The following MYOF variants were observed in gnomAD, a reference collection of about 807,000 sequenced individuals.
The protein encoded by MYOF is fer-1-like 3, myoferlin.
In MYOF, 244 loss-of-function variants were observed where a neutral mutation model predicts 284.2. The observed-to-expected ratio is 0.86, with a 90% CI of 0.77 to 0.95. The LOEUF (loss-of-function observed/expected upper bound fraction) is 0.95. MYOF is among the 40% of genes least tolerant of loss of function. The pLI is 0.00. For missense variants in MYOF, 2,496 were observed against 2,560.6 expected (o/e 0.97, Z 0.54); for synonymous variants, 904 against 919.7 (o/e 0.98, Z 0.31).
intron 44 of MYOF, 109 bp from the exon 45 acceptor site, chr10:93,329,020 G>T: frequency 9.4e-7 from 1 of 1,063,418 alleles, no homozygotes. Context: ...AGTGGGTGCA[G>T]AAAATCTGCG....
chr10:93,455,856 C>G (rs1167597963), intron 2 of MYOF, among the ~76,000 whole-genome samples: 1 of 152,116 alleles, frequency 6.6e-6, no homozygotes, highest in African/African-American at 2.4e-5. Context: ...CACAATGGAG[C>G]TGGCCATCAA....
chr10:93,332,259 G>A (rs189117993), intron 43 of MYOF, among the ~76,000 whole-genome samples: 59 of 148,990 alleles, frequency 4.0e-4, no homozygotes, highest in African/African-American at 1.4e-3. Context: ...GTCTTGCTCT[G>A]TCGCCCAGGC....
chr10:93,312,351 T>A (rs79450468), intron 51 of MYOF, among the ~76,000 whole-genome samples: 1 of 8,810 alleles, frequency 1.1e-4, no homozygotes, highest in Non-Finnish European at 3.2e-4. Context: ...TTTTTTTCTT[T>A]TTTATTTTTT....
At chr10:93,406,564 C>CT (rs71908567) in intron 7 of MYOF, among the ~76,000 whole-genome samples, 1 of 8,682 alleles carries the variant, frequency 1.2e-4, no homozygotes, top group African/African-American at 1.9e-4. Flanking sequence ...CTTGCCTCCT[C>CT]CCCACCCATC....
intron 49 of MYOF, 118 bp downstream of exon 49, chr10:93,319,754 T>G: frequency 1.4e-6 from 2 of 1,388,492 alleles, no homozygotes; most frequent in South Asian, 2.7e-5. Flanking sequence ...CCATCTCTGC[T>G]GAGAAGGAGC....
intron 3 of MYOF, among the ~76,000 whole-genome samples, chr10:93,448,522 G>C (rs1258800001): frequency 6.6e-6 from 1 of 152,158 alleles, no homozygotes; most frequent in East Asian, 1.9e-4. Context: ...AGGAAAGCAA[G>C]GACTTTAAAC....
intron 49 of MYOF, among the ~76,000 whole-genome samples, chr10:93,319,173 C>T (rs912321752): frequency 1.1e-4 from 16 of 152,284 alleles, no homozygotes; most frequent in East Asian, 3.9e-4. Flanking sequence ...ATGAGGGCTT[C>T]GCTCTTCTCT....
chr10:93,397,318 T>G, intron 14 of MYOF, 28 bp from the exon 15 acceptor site: 2 of 1,596,444 alleles, frequency 1.3e-6, no homozygotes, highest in Non-Finnish European at 1.7e-6. Flanking sequence ...AAAAAAGTAG[T>G]TATTTCTCAA....
chr10:93,390,987 T>C (rs1846648730), intron 17 of MYOF, among the ~76,000 whole-genome samples: 1 of 152,184 alleles, frequency 6.6e-6, no homozygotes, highest in South Asian at 2.1e-4. Context: ...ATCTTGAGTT[T>C]CAAAGCTCAG....
chr10:93,399,358 A>C (rs78464761), intron 13 of MYOF, 34 bp downstream of exon 13: 93,222 of 1,467,728 alleles, frequency 0.064, 3,580 homozygotes, highest in African/African-American at 0.16. Flanking sequence ...GATATTTATT[A>C]CTAGCAGCAT....
chr10:93,335,484 G>A (rs1258811239), intron 41 of MYOF, among the ~76,000 whole-genome samples: 2 of 152,238 alleles, frequency 1.3e-5, no homozygotes, highest in Non-Finnish European at 2.9e-5. Flanking sequence ...ACTGTCAAGT[G>A]AGAAGTTGTC....
chr10:93,383,628 A>G (rs1846226295), intron 19 of MYOF, among the ~76,000 whole-genome samples: 2 of 152,228 alleles, frequency 1.3e-5, no homozygotes, highest in South Asian at 4.1e-4. Flanking sequence ...AATTGTGTCA[A>G]AATGAAAAAG....
intron 45 of MYOF, among the ~76,000 whole-genome samples, chr10:93,326,982 A>C (rs1194629375): frequency 6.6e-6 from 1 of 152,060 alleles, no homozygotes; most frequent in Non-Finnish European, 1.5e-5. Context: ...TCTCCCATGA[A>C]GAGGTGGGGT....
chr10:93,369,423 A>G (rs770876979), intron 25 of MYOF, among the ~76,000 whole-genome samples: 1 of 152,124 alleles, frequency 6.6e-6, no homozygotes, highest in Admixed American at 6.5e-5. Flanking sequence ...TGGAATTATC[A>G]CACAAAAGTG....
At chr10:93,403,528 T>C (rs940103886) in intron 9 of MYOF, among the ~76,000 whole-genome samples, 9 of 152,202 alleles carry the variant, frequency 5.9e-5, no homozygotes, top group African/African-American at 2.2e-4. Context: ...GGTGCTCCTT[T>C]CTTGGAGAGG....
intron 17 of MYOF, among the ~76,000 whole-genome samples, chr10:93,391,633 T>C (rs368741257): frequency 6.6e-6 from 1 of 151,844 alleles, no homozygotes; most frequent in Non-Finnish European, 1.5e-5. Flanking sequence ...AGAAAACCCA[T>C]TCTCTCATAA....
intron 36 of MYOF, among the ~76,000 whole-genome samples, chr10:93,348,630 C>G (rs1844353535): frequency 6.6e-6 from 1 of 151,784 alleles, no homozygotes; most frequent in South Asian, 2.1e-4. Flanking sequence ...CACTTTGGGA[C>G]CCTGGCTGGC....
chr10:93,368,214 A>C (rs759139333), intron 25 of MYOF, among the ~76,000 whole-genome samples: 8 of 152,102 alleles, frequency 5.3e-5, no homozygotes, highest in Non-Finnish European at 1.0e-4. Flanking sequence ...AACATCCTCC[A>C]TTCAGGGCCT....
At chr10:93,383,860 G>A (rs571431949) in intron 19 of MYOF, among the ~76,000 whole-genome samples, 1 of 152,236 alleles carries the variant, frequency 6.6e-6, no homozygotes, top group Admixed American at 6.5e-5. Flanking sequence ...AGGTGGGGTG[G>A]GAACTACGGG....
Sources: gnomAD v4.1 joint callset for allele counts (sites outside exome capture counted in the v4.1 genomes callset) on GRCh38, gnomAD v4.1.1 for gene constraint, MANE v1.5 for transcripts, NCBI Gene and HGNC (gene_info 2026-07-23, HGNC 2026-07-21) for gene names.